Variants in DGKB observed in about 807,000 individuals in gnomAD.
DGKB encodes the protein 90 kDa diacylglycerol kinase.
A neutral mutation model predicts 114.3 loss-of-function variants in DGKB; 67 were observed. That is an observed-to-expected ratio of 0.59 (90% CI 0.48 to 0.72). The LOEUF is 0.72. DGKB is among the 30% of genes least tolerant of loss of function. The probability of loss-of-function intolerance (pLI) is 0.00; values close to 1 mark genes in which losing one functional copy is unlikely to be tolerated. For missense variants in DGKB, 907 were observed against 975.2 expected (o/e 0.93, Z 0.93); for synonymous variants, 398 against 323.1 (o/e 1.23, Z -2.49).
chr7:14,701,527 C>G (rs55766546), intron 7 of DGKB, among the ~76,000 whole-genome samples, 154 bp downstream of exon 7: 2,301 of 152,246 alleles, frequency 0.015, 27 homozygotes, highest in Non-Finnish European at 0.026. Flanking sequence ...TCAGATCACT[C>G]TCTCGCAAAA....
intron 1 of DGKB, among the ~76,000 whole-genome samples, chr7:14,942,130 G>A (rs1203735227): frequency 6.7e-6 from 1 of 150,302 alleles, no homozygotes; most frequent in Non-Finnish European, 1.5e-5. Context: ...TTTTTTTTTA[G>A]ATTAGGCAAA....
intron 21 of DGKB, among the ~76,000 whole-genome samples, chr7:14,387,705 C>T (rs1229811492): frequency 6.6e-6 from 1 of 151,980 alleles, no homozygotes; most frequent in Non-Finnish European, 1.5e-5. Context: ...TTGTGAGCCA[C>T]CATGCCTAGC....
chr7:14,695,273 G>A (rs1322170022), intron 8 of DGKB, among the ~76,000 whole-genome samples: 1 of 151,998 alleles, frequency 6.6e-6, no homozygotes, highest in Non-Finnish European at 1.5e-5. Flanking sequence ...ATAAAACAAT[G>A]ACATTTGTTT....
chr7:14,968,308 T>C (rs930608934), intron 1 of DGKB, among the ~76,000 whole-genome samples: 2 of 152,176 alleles, frequency 1.3e-5, no homozygotes, highest in African/African-American at 4.8e-5. Context: ...GAATAATCTT[T>C]GATCTATTGT....
At chr7:14,750,809 TTTTTTTTC>T (rs1413549236) in intron 4 of DGKB, among the ~76,000 whole-genome samples, 2 of 133,848 alleles carry the variant, frequency 1.5e-5, no homozygotes, top group South Asian at 5.0e-4. Flanking sequence ...TTTTTTTTTT[TTTTTTTTC>T]TGAGACAGAG....
At chr7:14,272,784 A>G (rs1257114030) in intron 23 of DGKB, among the ~76,000 whole-genome samples, 1 of 152,212 alleles carries the variant, frequency 6.6e-6, no homozygotes, top group Non-Finnish European at 1.5e-5. Context: ...AATTTCACTT[A>G]TCTTGCAGAA....
At chr7:14,522,911 G>A (rs149009328) in intron 20 of DGKB, among the ~76,000 whole-genome samples, 21 of 152,188 alleles carry the variant, frequency 1.4e-4, no homozygotes, top group African/African-American at 4.8e-4. Context: ...AAAGAACTGA[G>A]ACAAGAAAGC....
intron 13 of DGKB, among the ~76,000 whole-genome samples, chr7:14,632,452 G>T (rs1185452591): frequency 1.3e-5 from 2 of 151,296 alleles, no homozygotes; most frequent in East Asian, 3.9e-4. Flanking sequence ...AGAAATTATG[G>T]CAACACAATA....
chr7:14,239,146 G>A (rs900553805), intron 23 of DGKB, among the ~76,000 whole-genome samples: 48 of 152,140 alleles, frequency 3.2e-4, no homozygotes, highest in African/African-American at 1.2e-3. Flanking sequence ...TAACTGCTCA[G>A]CAGTCGTTAC....
intron 21 of DGKB, among the ~76,000 whole-genome samples, chr7:14,464,621 T>A (rs552413801): frequency 6.6e-6 from 1 of 152,342 alleles, no homozygotes; most frequent in African/African-American, 2.4e-5. Flanking sequence ...GATGCTTGCT[T>A]GCACAGCAAA....
chr7:14,208,343 G>A (rs1475594337), intron 23 of DGKB, among the ~76,000 whole-genome samples: 2 of 151,980 alleles, frequency 1.3e-5, no homozygotes, highest in Non-Finnish European at 2.9e-5. Context: ...TGGTGGAAGT[G>A]CAGTATTAGA....
intron 4 of DGKB, among the ~76,000 whole-genome samples, chr7:14,747,511 G>A (rs1159317841): frequency 6.6e-6 from 1 of 151,856 alleles, no homozygotes; most frequent in African/African-American, 2.4e-5. Flanking sequence ...CACATTATTA[G>A]ACATTTCTGA....
rs569800523 is a variant in DGKB, at chr7:14,674,511, G to A, written c.1036-1484C>T. Among the ~76,000 whole-genome samples, 3 of 152,282 alleles carry A rather than the reference G, an allele frequency of 2.0e-5. No individual in the cohort carries two copies. The South Asian group carries it at 6.2e-4, about 32-fold the overall frequency. On this transcript the variant is annotated intron_variant, in intron 12 of 25. Coordinates refer to ENST00000402815, the MANE Select transcript of DGKB (RefSeq NM_001350709.2). ...TGGATGTTTGGATTTAGAGTTAACA[G>A]ATTAGCAAGTGTTGGGATGGATCAA...
chr7:14,872,845 T>C (rs1852678914), intron 1 of DGKB, among the ~76,000 whole-genome samples: 1 of 150,120 alleles, frequency 6.7e-6, no homozygotes, highest in South Asian at 2.1e-4. Flanking sequence ...ATATATTTCA[T>C]AAAGCTTTAA....
At chr7:14,605,560 A>G (rs1244553641) in intron 17 of DGKB, among the ~76,000 whole-genome samples, 2 of 151,802 alleles carry the variant, frequency 1.3e-5, no homozygotes, top group Non-Finnish European at 2.9e-5. Flanking sequence ...TATTCATTGT[A>G]GTGTAGACTT....
chr7:14,269,674 T>A (rs960479554), intron 23 of DGKB, among the ~76,000 whole-genome samples: 1 of 152,184 alleles, frequency 6.6e-6, no homozygotes. Flanking sequence ...GGAGAAATAG[T>A]GCAAGGCTGA....
chr7:14,924,500 A>G (rs1784659621), intron 1 of DGKB, among the ~76,000 whole-genome samples: 1 of 152,110 alleles, frequency 6.6e-6, no homozygotes, highest in African/African-American at 2.4e-5. Context: ...AATCAGATAT[A>G]TCCATTAGAC....
intron 20 of DGKB, among the ~76,000 whole-genome samples, chr7:14,516,955 A>G (rs6980324): frequency 2.6e-5 from 4 of 151,208 alleles, no homozygotes; most frequent in Non-Finnish European, 4.4e-5. Flanking sequence ...GAAAAAAAAA[A>G]TTTTAAATTC....
intron 23 of DGKB, among the ~76,000 whole-genome samples, chr7:14,263,259 CT>C (rs1347087742): frequency 1.3e-5 from 2 of 152,098 alleles, no homozygotes; most frequent in Non-Finnish European, 2.9e-5. Flanking sequence ...TTGTCATCAC[CT>C]TTTTCATTGT....
Sources: gnomAD v4.1 joint callset for allele counts (sites outside exome capture counted in the v4.1 genomes callset) on GRCh38, gnomAD v4.1.1 for gene constraint, MANE v1.5 for transcripts, NCBI Gene and HGNC (gene_info 2026-07-23, HGNC 2026-07-21) for gene names.